Variants in NCAM2 observed in about 807,000 individuals in gnomAD.
NCAM2 encodes neural cell adhesion molecule 2.
Under a neutral mutation model 98.1 loss-of-function variants are expected in NCAM2, and 30 were observed. That is an observed-to-expected ratio of 0.31 (90% CI 0.23 to 0.41). The LOEUF (loss-of-function observed/expected upper bound fraction) is 0.41, where lower values mean the gene tolerates loss of function less well. Among genes scored for constraint, NCAM2 ranks in the 10% least tolerant of loss-of-function variants. The pLI, the probability that NCAM2 is intolerant of heterozygous loss-of-function variation, is 1.00. For synonymous variants in NCAM2, 368 were observed against 342.4 expected (o/e 1.07, Z -0.83); for missense variants, 867 against 1,005.8 (o/e 0.86, Z 1.87).
chr21:21,305,318 AAATAAT>A (rs993750914), intron 5 of NCAM2, among the ~76,000 whole-genome samples: 1 of 151,956 alleles, frequency 6.6e-6, no homozygotes, highest in Non-Finnish European at 1.5e-5. Flanking sequence ...ACTTTGTCTC[AAATAAT>A]AATAATAATA....
chr21:21,327,521 G>A (rs1369892892), intron 6 of NCAM2, among the ~76,000 whole-genome samples: 3 of 151,984 alleles, frequency 2.0e-5, no homozygotes, highest in Non-Finnish European at 2.9e-5. Flanking sequence ...TTTGTTACAT[G>A]AGTATAATTT....
chr21:21,071,856 A>G (rs558369223), intron 1 of NCAM2, among the ~76,000 whole-genome samples: 26 of 149,624 alleles, frequency 1.7e-4, no homozygotes, highest in African/African-American at 6.0e-4. Context: ...CTGCCCAATT[A>G]TTTGTCATGT....
At chr21:21,438,752 T>C (rs1287371125) in intron 12 of NCAM2, among the ~76,000 whole-genome samples, 1 of 152,156 alleles carries the variant, frequency 6.6e-6, no homozygotes, top group East Asian at 1.9e-4. Flanking sequence ...TACTCTTTTT[T>C]TTTCAGTTTT....
chr21:21,099,843 G>A (rs1324246633), intron 1 of NCAM2, among the ~76,000 whole-genome samples: 1 of 151,858 alleles, frequency 6.6e-6, no homozygotes, highest in African/African-American at 2.4e-5. Flanking sequence ...TGCCTGTTAT[G>A]TCATCTTTAC....
chr21:21,514,121 ACCTAT>A (rs1988563213), intron 16 of NCAM2, among the ~76,000 whole-genome samples: 1 of 150,870 alleles, frequency 6.6e-6, no homozygotes, highest in South Asian at 2.1e-4. Context: ...GTATACATAA[ACCTAT>A]ATATGGTATA....
At chr21:21,527,113 A>ATT (rs34914462) in intron 16 of NCAM2, among the ~76,000 whole-genome samples, 1 of 140,816 alleles carries the variant, frequency 7.1e-6, no homozygotes, top group Non-Finnish European at 1.6e-5. Context: ...TGAAAGAAAG[A>ATT]TTTTTTTTTT....
At chr21:21,180,499 A>C (rs181564913) in intron 1 of NCAM2, among the ~76,000 whole-genome samples, 1 of 152,168 alleles carries the variant, frequency 6.6e-6, no homozygotes, top group African/African-American at 2.4e-5. Flanking sequence ...AGATGAGATT[A>C]TAGTCAAATA....
intron 1 of NCAM2, among the ~76,000 whole-genome samples, chr21:21,032,928 G>T (rs9305993): frequency 0.61 from 91,070 of 149,640 alleles, 27,811 homozygotes; most frequent in East Asian, 0.78. Context: ...ACAGCACATG[G>T]TTTCTTTCTT....
intron 1 of NCAM2, among the ~76,000 whole-genome samples, chr21:21,194,299 A>G (rs1394033537): frequency 1.3e-5 from 2 of 152,170 alleles, no homozygotes; most frequent in Non-Finnish European, 2.9e-5. Context: ...TTATCAGAAA[A>G]TCATTTCAGG....
At chr21:21,148,527 T>G (rs993156908) in intron 1 of NCAM2, among the ~76,000 whole-genome samples, 5 of 152,194 alleles carry the variant, frequency 3.3e-5, no homozygotes, top group Non-Finnish European at 7.3e-5. Context: ...ACCTAAAGTG[T>G]GCAGATATAC....
intron 8 of NCAM2, among the ~76,000 whole-genome samples, chr21:21,351,348 A>G (rs1174528351): frequency 2.6e-5 from 4 of 152,020 alleles, no homozygotes; most frequent in African/African-American, 7.2e-5. Flanking sequence ...AACAGCTTAA[A>G]CTTTTCATAG....
intron 1 of NCAM2, chr21:21,223,427 T>C (rs990772369): frequency 3.9e-5 from 6 of 152,188 alleles, no homozygotes; most frequent in African/African-American, 1.4e-4. Flanking sequence ...AATAAAGTAT[T>C]TCTTTTCCAA....
intron 1 of NCAM2, among the ~76,000 whole-genome samples, chr21:21,064,983 C>A (rs1367113108): frequency 6.6e-6 from 1 of 152,030 alleles, no homozygotes; most frequent in Non-Finnish European, 1.5e-5. Context: ...AGTTCAAGAG[C>A]AGCCTGACCA....
chr21:21,515,847 A>T (rs556160412), intron 16 of NCAM2, among the ~76,000 whole-genome samples: 17 of 152,190 alleles, frequency 1.1e-4, no homozygotes, highest in Non-Finnish European at 2.1e-4. Context: ...TCTTCTTATT[A>T]AATTTTATCA....
chr21:21,102,869 GAAAA>G (rs1011974126), intron 1 of NCAM2, among the ~76,000 whole-genome samples: 1 of 151,338 alleles, frequency 6.6e-6, no homozygotes, highest in African/African-American at 2.4e-5. Flanking sequence ...AAGGCAAAAT[GAAAA>G]AAAACTCTCC....
chr21:21,330,367 A>C (rs1198272647), intron 6 of NCAM2, among the ~76,000 whole-genome samples: 2 of 151,972 alleles, frequency 1.3e-5, no homozygotes, highest in African/African-American at 4.8e-5. Context: ...TTTTGTTTTT[A>C]ATTCTCATGT....
chr21:21,430,394 T>TTA (rs548093741), intron 11 of NCAM2, among the ~76,000 whole-genome samples: 3 of 124,956 alleles, frequency 2.4e-5, no homozygotes, highest in African/African-American at 8.6e-5. Flanking sequence ...TCAGTCAAGT[T>TTA]TATATATATT....
chr21:21,309,095 A>G (rs1601933860), intron 5 of NCAM2, among the ~76,000 whole-genome samples: 2 of 152,204 alleles, frequency 1.3e-5, no homozygotes, highest in African/African-American at 4.8e-5. Flanking sequence ...TTTTGGTTGC[A>G]TGGAATGCCA....
At chr21:21,254,195 A>C (rs2826755) in intron 1 of NCAM2, among the ~76,000 whole-genome samples, 52,633 of 152,056 alleles carry the variant, frequency 0.35, 9,606 homozygotes, top group Non-Finnish European at 0.4. Context: ...TAGCACATTT[A>C]GCGTATTATT....
Sources: gnomAD v4.1 joint callset for allele counts (sites outside exome capture counted in the v4.1 genomes callset) on GRCh38, gnomAD v4.1.1 for gene constraint, MANE v1.5 for transcripts, NCBI Gene and HGNC (gene_info 2026-07-23, HGNC 2026-07-21) for gene names.